INSL6: variants seen among roughly 807,000 people sequenced by gnomAD.
INSL6 encodes the protein insulin like 6, also known as insulin-like peptide INSL6.
In INSL6, 16 loss-of-function variants were observed where a neutral mutation model predicts 9.4. That is an observed-to-expected ratio of 1.70 (90% confidence interval 1.15 to 2.59). The LOEUF (loss-of-function observed/expected upper bound fraction) is 2.59, where lower values mean the gene tolerates loss of function less well. Among genes scored for constraint, INSL6 ranks in the 30% most tolerant of loss-of-function variants. The probability of loss-of-function intolerance (pLI) is 0.00; values close to 1 mark genes in which losing one functional copy is unlikely to be tolerated. For missense variants in INSL6, 391 were observed against 257.3 expected (o/e 1.52, Z -3.56); for synonymous variants, 154 against 96.9 (o/e 1.59, Z -3.46).
At chr9:5,119,334 T>A (rs1174313263), downstream of INSL6, among the ~76,000 whole-genome samples, 1 of 152,042 alleles carries the variant, frequency 6.6e-6, no homozygotes, top group Non-Finnish European at 1.5e-5. Context: ...ATGAAGCATA[T>A]CCAGAGGTCC....
intron 3 of INSL6, among the ~76,000 whole-genome samples, chr9:5,129,106 A>G (rs576149440): frequency 6.6e-6 from 1 of 152,170 alleles, no homozygotes; most frequent in South Asian, 2.1e-4. Flanking sequence ...CATCACAACT[A>G]TAACTTCTGG....
the INSL6 span, among the ~76,000 whole-genome samples, chr9:5,053,319 GTTAT>G: frequency 1.3e-5 from 2 of 151,850 alleles, no homozygotes; most frequent in African/African-American, 2.4e-5. Context: ...TTTTAATTGG[GTTAT>G]TTGTCTTTTA....
chr9:5,164,293 C>T lies in INSL6; in HGVS notation c.290-28G>A, dbSNP rs369078311. Reference sequence around the variant, plus strand: ...GTTGAGAGAGAAGAAAATAAATGCTCCTTTATTAAAATCTTCCTTTAGATG... The same window carrying T: ...GTTGAGAGAGAAGAAAATAAATGCTTCTTTATTAAAATCTTCCTTTAGATG... On this transcript the variant is annotated intron_variant, in intron 1 of 1. Coordinates refer to ENST00000381641, the MANE Select transcript of INSL6 (RefSeq NM_007179.3). 11 of 1,417,910 alleles carry T rather than the reference C, an allele frequency of 7.8e-6. No individual in the cohort carries two copies. In the East Asian group the frequency reaches 2.5e-4, roughly 33 times the overall value. The allele number at this position is 1,417,910 out of a possible 1,614,324, so 87.8% of individuals were successfully genotyped here. A position where few individuals can be genotyped will look rare whatever the true frequency, so the allele number is the denominator to read the frequency against.
the INSL6 span, chr9:5,111,605 C>A: frequency 2.7e-6 from 1 of 369,442 alleles, no homozygotes; most frequent in Non-Finnish European, 5.3e-6. Flanking sequence ...TTCCCTGGGC[C>A]AGGTGGGCTT....
At chr9:5,085,592 A>G in the INSL6 span, 1 of 697,148 alleles carries the variant, frequency 1.4e-6, no homozygotes, top group Non-Finnish European at 2.7e-6. Context: ...CCACCTATAG[A>G]TACTACAGAA....
At chr9:5,129,620 G>A (rs1402177641) in intron 3 of INSL6, among the ~76,000 whole-genome samples, 1 of 152,082 alleles carries the variant, frequency 6.6e-6, no homozygotes, top group Non-Finnish European at 1.5e-5. Context: ...TATGAGATAA[G>A]CTTGATTTAA....
At chr9:5,112,876 C>T in the INSL6 span, 1 of 431,384 alleles carries the variant, frequency 2.3e-6, no homozygotes, top group Admixed American at 4.5e-5. Context: ...GGACGAGCCA[C>T]CCGCCCTCAG....
intron 2 of INSL6, among the ~76,000 whole-genome samples, chr9:5,134,393 G>C (rs371885609): frequency 6.6e-6 from 1 of 152,288 alleles, no homozygotes; most frequent in South Asian, 2.1e-4. Context: ...ATAATTGTCA[G>C]ATTCACCAAG....
At chr9:5,124,805 A>G (rs1433097475) in intron 3 of INSL6, among the ~76,000 whole-genome samples, 2 of 151,554 alleles carry the variant, frequency 1.3e-5, no homozygotes, top group Non-Finnish European at 3.0e-5. Flanking sequence ...ACATACATTC[A>G]AGTTTTTTTT....
At chr9:5,045,656 G>A in the INSL6 span, among the ~76,000 whole-genome samples, 1 of 152,020 alleles carries the variant, frequency 6.6e-6, no homozygotes, top group Non-Finnish European at 1.5e-5. Context: ...CATACAAATG[G>A]AGTTATATAG....
At chr9:5,107,863 C>G in the INSL6 span, 1 of 152,092 alleles carries the variant, frequency 6.6e-6, no homozygotes, top group African/African-American at 2.4e-5. Flanking sequence ...TGGGCCTTGC[C>G]TTATTAGTTT....
chr9:5,007,459 T>C, the INSL6 span, among the ~76,000 whole-genome samples: 3 of 152,124 alleles, frequency 2.0e-5, no homozygotes, highest in African/African-American at 4.8e-5. Flanking sequence ...TTAGGTGCCA[T>C]TGGCAAATTT....
the INSL6 span, among the ~76,000 whole-genome samples, chr9:5,025,064 C>A: frequency 6.6e-6 from 1 of 152,102 alleles, no homozygotes; most frequent in Non-Finnish European, 1.5e-5. Flanking sequence ...CTTGATTCAG[C>A]ATTTATCTGA....
the INSL6 span, among the ~76,000 whole-genome samples, chr9:5,068,786 T>A: frequency 3.9e-5 from 6 of 152,248 alleles, no homozygotes; most frequent in Admixed American, 3.9e-4. Flanking sequence ...TAATTATCAT[T>A]GCCTTCTTAC....
intron 2 of INSL6, among the ~76,000 whole-genome samples, chr9:5,142,575 CT>C (rs1824522738): frequency 6.6e-6 from 1 of 152,140 alleles, no homozygotes; most frequent in African/African-American, 2.4e-5. Flanking sequence ...TTTGCTGAAG[CT>C]GTTTATCAGC....
the INSL6 span, among the ~76,000 whole-genome samples, chr9:5,028,070 T>G: frequency 6.6e-6 from 1 of 152,230 alleles, no homozygotes; most frequent in Non-Finnish European, 1.5e-5. Context: ...CATAAGTTTT[T>G]TTATTTACTT....
At chr9:5,163,776 T>C (rs1326713233), downstream of INSL6, 10 of 632,174 alleles carry the variant, frequency 1.6e-5, no homozygotes, top group Non-Finnish European at 2.8e-5. Flanking sequence ...CTATTACCAC[T>C]ATAAGGTATG....
intron 2 of INSL6, among the ~76,000 whole-genome samples, chr9:5,156,401 T>C (rs1824815347): frequency 6.6e-6 from 1 of 152,222 alleles, no homozygotes; most frequent in Non-Finnish European, 1.5e-5. Context: ...AATATCTCTA[T>C]GGCTATTGAT....
chr9:5,103,981 G>A, the INSL6 span, among the ~76,000 whole-genome samples: 3 of 152,026 alleles, frequency 2.0e-5, no homozygotes, highest in Admixed American at 6.5e-5. Flanking sequence ...AGCTAAAATC[G>A]ACACCTTAAC....
Sources: gnomAD v4.1 joint callset for allele counts (sites outside exome capture counted in the v4.1 genomes callset) on GRCh38, gnomAD v4.1.1 for gene constraint, MANE v1.5 for transcripts, NCBI Gene and HGNC (gene_info 2026-07-23, HGNC 2026-07-21) for gene names.